The following MRPL1 variants were observed in gnomAD, a reference collection of about 807,000 sequenced individuals.
MRPL1 encodes the protein mitochondrial ribosomal protein L1.
Under a neutral mutation model 38.0 loss-of-function variants are expected in MRPL1, and 28 were observed. The observed-to-expected ratio is 0.74, with a 90% CI of 0.55 to 1.01. The LOEUF (loss-of-function observed/expected upper bound fraction) is 1.01, where lower values mean the gene tolerates loss of function less well. Ranked by LOEUF, MRPL1 falls within the 50% of genes least tolerant of loss-of-function variation. The pLI is 0.00. For missense variants in MRPL1, 358 were observed against 389.8 expected (o/e 0.92, Z 0.69); for synonymous variants, 123 against 126.7 (o/e 0.97, Z 0.20).
rs114597903 is a variant in MRPL1 at position 77,938,833 on chromosome 4, T to G, written c.778-10964T>G. On this transcript the variant is annotated intron_variant, in intron 7 of 8. Coordinates refer to ENST00000315567, the MANE Select transcript of MRPL1 (RefSeq NM_020236.4). Reference sequence around the variant, plus strand: ...CCAGTCCTCCTCACTTGTACATGTTTCCCACTTTGGCCACTGTAGGCATTT... The same window carrying G: ...CCAGTCCTCCTCACTTGTACATGTTGCCCACTTTGGCCACTGTAGGCATTT... Among the ~76,000 whole-genome samples the G allele has an allele frequency of 3.0e-3, 450 of 152,284 alleles. 3 individuals are homozygous for G. The highest frequency in any genetic ancestry group is 0.01 in the African/African-American group (419 of 41,552).
intron 7 of MRPL1, 137 bp downstream of exon 7, chr4:77,909,509 G>A (rs976376463): frequency 3.2e-5 from 18 of 570,122 alleles, no homozygotes; most frequent in Non-Finnish European, 5.3e-5. Flanking sequence ...TTAAACATAC[G>A]CATAGATACT....
chr4:77,935,418 G>C (rs1157371421), intron 7 of MRPL1, among the ~76,000 whole-genome samples: 2 of 151,684 alleles, frequency 1.3e-5, no homozygotes, highest in Admixed American at 6.6e-5. Flanking sequence ...TTTTTGAGAC[G>C]GAGTCTCGCT....
intron 2 of MRPL1, among the ~76,000 whole-genome samples, chr4:77,882,262 T>C (rs1195283210): frequency 6.6e-6 from 1 of 152,248 alleles, no homozygotes; most frequent in African/African-American, 2.4e-5. Context: ...CTCAGTACTT[T>C]TTATTACGTT....
intron 2 of MRPL1, among the ~76,000 whole-genome samples, chr4:77,874,782 CTT>C (rs59185212): frequency 1.8e-4 from 24 of 131,048 alleles, no homozygotes; most frequent in East Asian, 2.1e-4. Context: ...ATTTTCTTTT[CTT>C]TTTTTTTTTT....
intron 7 of MRPL1, among the ~76,000 whole-genome samples, chr4:77,916,246 A>G (rs1314977479): frequency 2.0e-5 from 3 of 152,208 alleles, no homozygotes; most frequent in African/African-American, 7.2e-5. Context: ...TAATTCTGCT[A>G]TCCAGATAAC....
At chr4:77,871,612 A>T in intron 1 of MRPL1, 132 bp from the exon 2 acceptor site, 1 of 537,082 alleles carries the variant, frequency 1.9e-6, no homozygotes, top group Non-Finnish European at 3.2e-6. Flanking sequence ...CTATTATTAC[A>T]CTTTTAAAAG....
chr4:77,863,015 T>C (rs1175429007), intron 1 of MRPL1, 136 bp downstream of exon 1: 1 of 1,092,138 alleles, frequency 9.2e-7, no homozygotes, highest in Non-Finnish European at 1.4e-6. Context: ...TTTCAGAGGG[T>C]GGGTCATTAC....
chr4:77,923,510 C>T (rs1216473316), intron 7 of MRPL1, among the ~76,000 whole-genome samples: 1 of 152,144 alleles, frequency 6.6e-6, no homozygotes, highest in African/African-American at 2.4e-5. Context: ...TAACTTATAT[C>T]CAACTATTCT....
chr4:77,880,316 C>T (rs1472664745), intron 2 of MRPL1, among the ~76,000 whole-genome samples: 1 of 152,158 alleles, frequency 6.6e-6, no homozygotes. Flanking sequence ...CCTTCATCTT[C>T]AAAGCAATGG....
Position 77,949,837 on chromosome 4 carries a change from CAGTTATTAATGA to C in MRPL1, c.823_834del (p.Ile275_Val278del). The C allele has an allele frequency of 6.2e-7, 1 of 1,611,062 alleles. No homozygotes were observed. The highest frequency in any genetic ancestry group is 8.5e-7 in the Non-Finnish European group (1 of 1,178,408). On this transcript the variant is annotated inframe_deletion, in exon 8 of 9. Coordinates refer to ENST00000315567, the MANE Select transcript of MRPL1 (RefSeq NM_020236.4). Reference sequence around the variant, plus strand: ...GACCAGATAGCTGCCAATCTGCAAGCAGTTATTAATGAAGTTTGTAGGCACAGACCGCTGAAT... The same window carrying C: ...GACCAGATAGCTGCCAATCTGCAAGCAGTTTGTAGGCACAGACCGCTGAAT...
intron 7 of MRPL1, among the ~76,000 whole-genome samples, chr4:77,945,742 G>T (rs989462509): frequency 4.6e-5 from 7 of 152,064 alleles, no homozygotes; most frequent in Non-Finnish European, 8.8e-5. Flanking sequence ...AAACCAGCAG[G>T]TTTTTATTGA....
chr4:77,911,467 AG>A (rs1736286279), intron 7 of MRPL1, among the ~76,000 whole-genome samples: 2 of 152,074 alleles, frequency 1.3e-5, no homozygotes, highest in South Asian at 4.1e-4. Context: ...GTGTTTAAAG[AG>A]TTTTTTTTTG....
At chr4:77,907,351 G>A (rs1736179353) in intron 6 of MRPL1, 2 of 228,566 alleles carry the variant, frequency 8.8e-6, no homozygotes, top group South Asian at 3.2e-4. Context: ...TTTTTATCCT[G>A]ATTCCATTTT....
chr4:77,940,055 AT>A (rs914864826), intron 7 of MRPL1, among the ~76,000 whole-genome samples: 4 of 151,058 alleles, frequency 2.6e-5, no homozygotes, highest in Admixed American at 6.6e-5. Flanking sequence ...AAATTTTAGG[AT>A]TTTTTTTTCT....
At chr4:77,896,522 G>A (rs935735694) in intron 6 of MRPL1, among the ~76,000 whole-genome samples, 13 of 152,176 alleles carry the variant, frequency 8.5e-5, no homozygotes, top group Non-Finnish European at 1.5e-5. Flanking sequence ...GAATACATCA[G>A]ATGTGCATTA....
At chr4:77,862,971 G>A (rs1735037124) in intron 1 of MRPL1, 92 bp downstream of exon 1, 1 of 1,496,618 alleles carries the variant, frequency 6.7e-7, no homozygotes, top group East Asian at 2.3e-5. Flanking sequence ...TCTGGGTGCT[G>A]AAAATGCCTC....
intron 7 of MRPL1, among the ~76,000 whole-genome samples, chr4:77,932,446 T>G (rs759852345): frequency 6.6e-6 from 1 of 152,148 alleles, no homozygotes; most frequent in Non-Finnish European, 1.5e-5. Context: ...GAAAGTAGGT[T>G]TGAGATAGCT....
intron 7 of MRPL1, among the ~76,000 whole-genome samples, chr4:77,918,230 A>G (rs1313682956): frequency 6.6e-6 from 1 of 152,180 alleles, no homozygotes; most frequent in African/African-American, 2.4e-5. Context: ...AATAACATGC[A>G]TGATGATCAG....
At chr4:77,937,423 C>G (rs1360309756) in intron 7 of MRPL1, among the ~76,000 whole-genome samples, 1 of 152,212 alleles carries the variant, frequency 6.6e-6, no homozygotes, top group Non-Finnish European at 1.5e-5. Context: ...GTACCTGGCC[C>G]CCAGTGCCTT....
Sources: gnomAD v4.1 joint callset for allele counts (sites outside exome capture counted in the v4.1 genomes callset) on GRCh38, gnomAD v4.1.1 for gene constraint, MANE v1.5 for transcripts, NCBI Gene and HGNC (gene_info 2026-07-23, HGNC 2026-07-21) for gene names.